Variants in MAN2A1 observed in about 807,000 individuals in gnomAD.
MAN2A1 encodes alpha-mannosidase 2.
In MAN2A1, 76 loss-of-function variants were observed where a neutral mutation model predicts 142.6. The observed-to-expected ratio is 0.53, with a 90% CI of 0.44 to 0.65. MAN2A1 has a LOEUF of 0.65. Among genes scored for constraint, MAN2A1 ranks in the 30% least tolerant of loss-of-function variants. The pLI is 0.00. For missense variants in MAN2A1, 1,311 were observed against 1,365.1 expected (o/e 0.96, Z 0.62); for synonymous variants, 559 against 473.2 (o/e 1.18, Z -2.35).
intron 3 of MAN2A1, among the ~76,000 whole-genome samples, chr5:109,727,704 CTGA>C (rs1159746713): frequency 5.3e-5 from 8 of 152,170 alleles, no homozygotes; most frequent in Non-Finnish European, 1.2e-4. Flanking sequence ...CAGTTAAAGA[CTGA>C]TGATGATATC....
At chr5:109,860,785 A>G (rs940820473) in intron 20 of MAN2A1, among the ~76,000 whole-genome samples, 6 of 152,152 alleles carry the variant, frequency 3.9e-5, no homozygotes, top group Non-Finnish European at 7.4e-5. Context: ...GGATAGGTGG[A>G]TAGGTGGTAG....
In MAN2A1 at chr5:109,804,050, C is replaced by G. The variant is rs368684203; in HGVS notation, c.1944-13223C>G. The G allele has an allele frequency of 5.0e-5, 19 of 383,096 alleles. No individual in the cohort carries two copies. The East Asian group carries it at 1.3e-3, about 26-fold the overall frequency. The allele number at this position is 383,096 out of a possible 1,614,324, so 23.7% of individuals were successfully genotyped here. A position where few individuals can be genotyped will look rare whatever the true frequency, so the allele number is the denominator to read the frequency against. ...TGTCTTCTGAAATAGTAACATAAAG[C>G]TAATTATTAACCCAAAGCAGTTCAG... is the stretch of plus-strand genomic sequence containing the variant. On this transcript the variant is annotated intron_variant, in intron 12 of 21. Transcript: ENST00000261483.
intron 7 of MAN2A1, among the ~76,000 whole-genome samples, chr5:109,771,453 C>G (rs779230196): frequency 3.3e-5 from 5 of 152,154 alleles, no homozygotes; most frequent in Admixed American, 6.5e-5. Context: ...GAGCCTCTCA[C>G]TGTGGCAGAC....
At chr5:109,777,223 C>T (rs1188807931) in intron 8 of MAN2A1, among the ~76,000 whole-genome samples, 1 of 152,088 alleles carries the variant, frequency 6.6e-6, no homozygotes, top group Non-Finnish European at 1.5e-5. Context: ...AGTTGTTCCA[C>T]ACCCTTTCTC....
chr5:109,726,187 T>G (rs184101223), intron 3 of MAN2A1, among the ~76,000 whole-genome samples: 100 of 152,336 alleles, frequency 6.6e-4, no homozygotes, highest in African/African-American at 2.3e-3. Flanking sequence ...GTCCTAAGAT[T>G]ATTAAATCTA....
chr5:109,745,924 A>G (rs947809552), intron 4 of MAN2A1, among the ~76,000 whole-genome samples: 1 of 152,170 alleles, frequency 6.6e-6, no homozygotes, highest in Admixed American at 6.5e-5. Flanking sequence ...GTCCCAAGAC[A>G]TTTTTAAATA....
chr5:109,727,789 T>A (rs532854900), intron 3 of MAN2A1, among the ~76,000 whole-genome samples: 1 of 152,162 alleles, frequency 6.6e-6, no homozygotes, highest in African/African-American at 2.4e-5. Flanking sequence ...GCATCTGGGT[T>A]GGTTGGACTT....
At chr5:109,694,975 G>A (rs115828678) in intron 1 of MAN2A1, among the ~76,000 whole-genome samples, 2,023 of 152,292 alleles carry the variant, frequency 0.013, 28 homozygotes, top group Non-Finnish European at 0.019. Context: ...GGGATATAAT[G>A]CGGAGATCTG....
chr5:109,729,300 A>G (rs368131996), intron 3 of MAN2A1, 42 bp from the exon 4 acceptor site: 63 of 1,348,364 alleles, frequency 4.7e-5, no homozygotes, highest in Non-Finnish European at 5.7e-5. Flanking sequence ...GAAATCAGCC[A>G]TACGAATTAG....
intron 1 of MAN2A1, among the ~76,000 whole-genome samples, chr5:109,693,812 G>C (rs186176712): frequency 1.2e-4 from 18 of 152,254 alleles, no homozygotes; most frequent in Non-Finnish European, 2.1e-4. Flanking sequence ...GAGGCAACAG[G>C]GGGCCTAATC....
Position 109,846,002 on chromosome 5 carries a change from T to C in MAN2A1, c.2838T>C (p.Asn946=). ...SAQSLGVSSL[N]SGQIEVIMDR... is the part of the protein sequence containing the mutation. ...AGTCATTAGGGGTTTCGAGTTTGAATAGTGGTATGTATTGCTTACACTCTT... is the reference window on the plus strand; with the variant it reads ...AGTCATTAGGGGTTTCGAGTTTGAACAGTGGTATGTATTGCTTACACTCTT... The change falls in exon 18 of 22, where the codon AAT becomes AAC. Residue 946 remains asparagine (N), a synonymous_variant. Coordinates refer to ENST00000261483, the MANE Select transcript of MAN2A1 (RefSeq NM_002372.4). 1 of 1,611,362 alleles carries C rather than the reference T, an allele frequency of 6.2e-7. No individual in the cohort carries two copies. The highest frequency in any genetic ancestry group is 8.5e-7 in the Non-Finnish European group (1 of 1,178,630).
At chr5:109,800,286 T>C (rs1299776652) in intron 12 of MAN2A1, among the ~76,000 whole-genome samples, 1 of 152,232 alleles carries the variant, frequency 6.6e-6, no homozygotes. Context: ...TGTTCTCATA[T>C]GACTCCATGG....
At chr5:109,783,951 A>G (rs1753529631) in intron 9 of MAN2A1, among the ~76,000 whole-genome samples, 1 of 151,976 alleles carries the variant, frequency 6.6e-6, no homozygotes, top group African/African-American at 2.4e-5. Flanking sequence ...CTGCGGCCTC[A>G]AACTCTTGGG....
intron 10 of MAN2A1, among the ~76,000 whole-genome samples, chr5:109,787,037 A>T (rs1357341972): frequency 6.6e-6 from 1 of 152,000 alleles, no homozygotes; most frequent in African/African-American, 2.4e-5. Context: ...GCAAGAATAC[A>T]TCATGGCATA....
chr5:109,793,095 T>C (rs1354922866), intron 12 of MAN2A1, among the ~76,000 whole-genome samples: 1 of 152,108 alleles, frequency 6.6e-6, no homozygotes, highest in African/African-American at 2.4e-5. Context: ...GTGGGAATGA[T>C]GGTAGTCATC....
At chr5:109,856,885 C>G (rs186716783) in intron 20 of MAN2A1, among the ~76,000 whole-genome samples, 1 of 152,188 alleles carries the variant, frequency 6.6e-6, no homozygotes, top group Admixed American at 6.5e-5. Flanking sequence ...CACACAAATG[C>G]CCCTGCCCTT....
At chr5:109,789,090 C>G (rs751380082) in intron 11 of MAN2A1, 42 bp downstream of exon 11, 12 of 1,030,896 alleles carry the variant, frequency 1.2e-5, no homozygotes, top group Non-Finnish European at 1.6e-5. Flanking sequence ...ATGTGTAATT[C>G]CATTGTTCTT....
At chr5:109,844,998 C>T (rs536675202) in intron 17 of MAN2A1, among the ~76,000 whole-genome samples, 3 of 152,160 alleles carry the variant, frequency 2.0e-5, no homozygotes, top group Non-Finnish European at 2.9e-5. Flanking sequence ...TGCAGGGTTG[C>T]TGGGAAGATT....
chr5:109,837,090 A>AT (rs899135234), intron 16 of MAN2A1, among the ~76,000 whole-genome samples: 2 of 146,402 alleles, frequency 1.4e-5, no homozygotes, highest in African/African-American at 5.1e-5. Flanking sequence ...ATGTCTTCCC[A>AT]TTTTTTTGTT....
Sources: allele counts gnomAD v4.1 joint callset (sites outside exome capture counted in the v4.1 genomes callset), GRCh38; gene constraint gnomAD v4.1.1; transcripts MANE v1.5; gene names NCBI Gene and HGNC (gene_info 2026-07-23, HGNC 2026-07-21).